Variants in KCNIP3 observed in about 807,000 individuals in gnomAD.
The protein encoded by KCNIP3 is calsenilin.
In KCNIP3, 28 loss-of-function variants were observed where a neutral mutation model predicts 35.0. That is an observed-to-expected ratio of 0.80 (90% CI 0.59 to 1.10). The LOEUF is 1.10. KCNIP3 is among the 50% of genes least tolerant of loss of function. The probability of loss-of-function intolerance (pLI) is 0.00; values close to 1 mark genes in which losing one functional copy is unlikely to be tolerated. For synonymous variants in KCNIP3, 134 were observed against 133.8 expected, an observed-to-expected ratio of 1.00 and a Z score of -0.01; for missense variants, 295 against 338.4, an observed-to-expected ratio of 0.87 and a Z score of 1.01.
At chr2:95,372,520 G>T (rs1369085266) in intron 2 of KCNIP3, among the ~76,000 whole-genome samples, 2 of 152,234 alleles carry the variant, frequency 1.3e-5, no homozygotes, top group African/African-American at 2.4e-5. Context: ...TGATCCAGAA[G>T]AGGGGAAAAG....
chr2:95,318,617 C>T (rs1678515526), intron 2 of KCNIP3, among the ~76,000 whole-genome samples: 1 of 152,140 alleles, frequency 6.6e-6, no homozygotes, highest in African/African-American at 2.4e-5. Context: ...CCTCTGCCTG[C>T]ACCCGGGGCT....
At chr2:95,305,242 C>G (rs1297417731) in intron 1 of KCNIP3, among the ~76,000 whole-genome samples, 1 of 152,218 alleles carries the variant, frequency 6.6e-6, no homozygotes, top group African/African-American at 2.4e-5. Flanking sequence ...GACTTTTGAT[C>G]ATTCGTGAAT....
intron 2 of KCNIP3, among the ~76,000 whole-genome samples, chr2:95,338,489 A>G (rs1679115118): frequency 6.6e-6 from 1 of 152,142 alleles, no homozygotes; most frequent in Non-Finnish European, 1.5e-5. Context: ...ATGCTAGCTG[A>G]GTCCTTCCCA....
At chr2:95,297,541 CT>C in intron 1 of KCNIP3, 88 bp downstream of exon 1, 15 of 1,089,836 alleles carry the variant, frequency 1.4e-5, no homozygotes, top group East Asian at 2.7e-5. Context: ...ACCAGGAAGC[CT>C]TTTTCTTTGA....
chr2:95,346,219 AT>A (rs1679354132), intron 2 of KCNIP3, among the ~76,000 whole-genome samples: 2 of 151,744 alleles, frequency 1.3e-5, no homozygotes, highest in African/African-American at 4.8e-5. Context: ...GGCTTCCCGG[AT>A]CCCCCGCCGC....
At chr2:95,366,177 A>C (rs934084380) in intron 2 of KCNIP3, among the ~76,000 whole-genome samples, 1 of 152,118 alleles carries the variant, frequency 6.6e-6, no homozygotes, top group Non-Finnish European at 1.5e-5. Flanking sequence ...CGTCACCACA[A>C]AAAATTGCCT....
At chr2:95,368,042 A>G (rs1194358691) in intron 2 of KCNIP3, among the ~76,000 whole-genome samples, 1 of 152,222 alleles carries the variant, frequency 6.6e-6, no homozygotes, top group Non-Finnish European at 1.5e-5. Context: ...GATTACAGGC[A>G]TGAGCCACCG....
In KCNIP3 at chr2:95,375,162, T is replaced by C. The variant is rs912817103; in HGVS notation, c.401T>C (p.Leu134Pro). 3.7e-6 allele frequency: 6 copies of C among 1,614,048 alleles called. No individual in the cohort carries two copies. The Admixed American group carries it at 8.3e-5, about 22-fold the overall frequency. ...QGDATTYAHF[L>P]FNAFDADGNG... is the part of the protein sequence containing the mutation. Reference sequence around the variant, plus strand: ...GATGCCACCACCTATGCACACTTCCTCTTCAACGCCTTTGATGCGGACGGG... The same window carrying C: ...GATGCCACCACCTATGCACACTTCCCCTTCAACGCCTTTGATGCGGACGGG... Residue 134 changes from leucine (L) to proline (P), a missense_variant, in exon 5 of 9, where the codon CTC (leucine) becomes CCC (proline). Physicochemically the swap from Leu to Pro is moderately conservative, Grantham distance 98 (BLOSUM62 -3). Coordinates refer to ENST00000295225, the MANE Select transcript of KCNIP3 (RefSeq NM_013434.5).
At position 95,378,943 on chromosome 2, in the gene KCNIP3, C is replaced by T. The variant is rs537335079; in HGVS notation, c.448-2653C>T. On this transcript the variant is annotated intron_variant, in intron 5 of 8. Transcript: ENST00000295225. The surrounding 1 kb of genome is among the most constrained non-coding windows in gnomAD (Gnocchi z 4.0). ...TGTCTTCAGTTATACACACACATGACTGGAGTCCAACACATTCGCAGGGTG... is the reference window on the plus strand; with the variant it reads ...TGTCTTCAGTTATACACACACATGATTGGAGTCCAACACATTCGCAGGGTG... Among the ~76,000 whole-genome samples, 1 of 152,028 alleles carries T rather than the reference C, an allele frequency of 6.6e-6. No homozygotes were observed. The highest frequency in any genetic ancestry group is 2.1e-4 in the South Asian group (1 of 4,800).
At chr2:95,365,753 T>C (rs1679902875) in intron 2 of KCNIP3, among the ~76,000 whole-genome samples, 1 of 152,206 alleles carries the variant, frequency 6.6e-6, no homozygotes, top group South Asian at 2.1e-4. Flanking sequence ...GTTCATGGGA[T>C]ATCATCAGCC....
At chr2:95,339,295 T>A (rs1364058044) in intron 2 of KCNIP3, among the ~76,000 whole-genome samples, 3 of 152,112 alleles carry the variant, frequency 2.0e-5, no homozygotes, top group Non-Finnish European at 2.9e-5. Flanking sequence ...GGTAATTAGG[T>A]CAGGCCAGGC....
chr2:95,383,262 A>G lies in KCNIP3; in HGVS notation c.691A>G (p.Thr231Ala). ...KMDRNQDGVVTIEEFLEACQK... is the reference protein window; with the variant it reads ...KMDRNQDGVVAIEEFLEACQK... ...GGACCGGAACCAGGATGGGGTAGTG[A>G]CCATTGAAGAGTTCCTGGAGGCCTG... The change falls in exon 8 of 9, where the codon ACC (threonine) becomes GCC (alanine). Residue 231 changes from threonine (T) to alanine (A), a missense_variant. By Grantham distance (58) the Thr-to-Ala change is moderately conservative (BLOSUM62 0). Transcript: ENST00000295225. 1 of 1,613,782 alleles carries G rather than the reference A, an allele frequency of 6.2e-7. No individual in the cohort carries two copies. Among genetic ancestry groups the G allele is most frequent in the Non-Finnish European group, 8.5e-7 (1 of 1,179,878 alleles).
At chr2:95,333,344 C>A (rs1042981522) in intron 2 of KCNIP3, among the ~76,000 whole-genome samples, 26 of 152,212 alleles carry the variant, frequency 1.7e-4, no homozygotes, top group African/African-American at 6.3e-4. Flanking sequence ...TGAGTAAATG[C>A]ATGAACCTAG....
intron 2 of KCNIP3, among the ~76,000 whole-genome samples, chr2:95,353,729 T>C (rs1181665786): frequency 6.6e-6 from 1 of 152,196 alleles, no homozygotes; most frequent in African/African-American, 2.4e-5. Flanking sequence ...GCGAGGCTGA[T>C]GCAGCCCGAC....
intron 2 of KCNIP3, among the ~76,000 whole-genome samples, chr2:95,321,018 C>CAGCCTCTCCTCCCCACACCCCA: frequency 1.4e-5 from 2 of 141,462 alleles, no homozygotes; most frequent in East Asian, 2.1e-4. Context: ...CCCTGACCCC[C>CAGCCTCTCCTCCCCACACCCCA]AGCCTCTCCT....
At chr2:95,327,219 C>T (rs987144666) in intron 2 of KCNIP3, among the ~76,000 whole-genome samples, 1 of 152,208 alleles carries the variant, frequency 6.6e-6, no homozygotes, top group Non-Finnish European at 1.5e-5. Flanking sequence ...GTGCCTTACA[C>T]TAACCATGCC....
chr2:95,334,304 T>A (rs966006189), intron 2 of KCNIP3, among the ~76,000 whole-genome samples: 1 of 152,134 alleles, frequency 6.6e-6, no homozygotes, highest in African/African-American at 2.4e-5. Flanking sequence ...CATAGGACCC[T>A]GTTTACAGCA....
chr2:95,372,211 CCA>C (rs1680057133), intron 2 of KCNIP3, among the ~76,000 whole-genome samples: 2 of 139,734 alleles, frequency 1.4e-5, no homozygotes, highest in Non-Finnish European at 3.2e-5. Flanking sequence ...TTCTTACCAT[CCA>C]TCCATCCATC....
intron 2 of KCNIP3, among the ~76,000 whole-genome samples, chr2:95,328,601 CTGTG>C (rs1364535333): frequency 6.6e-6 from 1 of 152,216 alleles, no homozygotes; most frequent in African/African-American, 2.4e-5. Flanking sequence ...GTGCACACTC[CTGTG>C]TGTGTGAGCG....
Sources: allele counts gnomAD v4.1 joint callset (sites outside exome capture counted in the v4.1 genomes callset), GRCh38; gene constraint gnomAD v4.1.1; non-coding constraint Gnocchi (gnomAD v3.1); transcripts MANE v1.5; gene names NCBI Gene and HGNC (gene_info 2026-07-23, HGNC 2026-07-21).